TRIM44: variants seen among roughly 807,000 people sequenced by gnomAD.
The protein encoded by TRIM44 is tripartite motif containing 44.
Under a neutral mutation model 37.4 loss-of-function variants are expected in TRIM44, and 13 were observed. The ratio of observed to expected loss-of-function variants is 0.35; its 90% CI spans 0.23 to 0.55. The LOEUF (loss-of-function observed/expected upper bound fraction) is 0.55, where lower values mean the gene tolerates loss of function less well. TRIM44 is among the 20% of genes least tolerant of loss of function. TRIM44 has a pLI of 0.89. For synonymous variants in TRIM44, 175 were observed against 157.2 expected, an observed-to-expected ratio of 1.11 and a Z score of -0.85; for missense variants, 426 against 437.2, an observed-to-expected ratio of 0.97 and a Z score of 0.23.
rs1168699539 is a variant in TRIM44, at chr11:35,663,433, G to A, written c.322G>A (p.Glu108Lys). 6.4e-7 allele frequency: 1 copy of A among 1,570,834 alleles called. No homozygotes were observed. Among genetic ancestry groups the A allele is most frequent in the South Asian group, 1.2e-5 (1 of 86,866 alleles). Residue 108 changes from glutamate to lysine, a missense_variant, in exon 1 of 5, where the codon GAG (glutamate) becomes AAG (lysine). Physicochemically the swap from Glu to Lys is moderately conservative, Grantham distance 56. This residue lies in a region of TRIM44 where 331 missense variants were observed against 303.0 expected (regional missense o/e 1.09). Transcript: ENST00000299413. ...ESESEEESES[E>K]EESETEEESE... ...TGAGTCGGAGGAAGAGAGCGAGTCAGAGGAAGAGAGCGAGACAGAGGAAGA... is the reference window on the plus strand; with the variant it reads ...TGAGTCGGAGGAAGAGAGCGAGTCAAAGGAAGAGAGCGAGACAGAGGAAGA...
At chr11:35,786,815 C>T (rs949890446) in intron 4 of TRIM44, among the ~76,000 whole-genome samples, 6 of 152,202 alleles carry the variant, frequency 3.9e-5, no homozygotes, top group African/African-American at 1.4e-4. Flanking sequence ...AGTGTTTTGG[C>T]TGCAGCAGGA....
chr11:35,774,929 T>G (rs543871533), intron 4 of TRIM44, among the ~76,000 whole-genome samples: 1 of 152,210 alleles, frequency 6.6e-6, no homozygotes, highest in African/African-American at 2.4e-5. Context: ...TCTTTTGGCT[T>G]AGGATTGTCT....
intron 4 of TRIM44, among the ~76,000 whole-genome samples, chr11:35,791,142 A>C (rs2133877487): frequency 6.6e-6 from 1 of 152,186 alleles, no homozygotes; most frequent in East Asian, 1.9e-4. Context: ...GCTTGGGAGC[A>C]AGTGTCCATT....
intron 4 of TRIM44, among the ~76,000 whole-genome samples, chr11:35,767,378 C>A (rs1169689840): frequency 1.3e-5 from 2 of 152,100 alleles, no homozygotes; most frequent in African/African-American, 2.4e-5. Flanking sequence ...CATACAAGAT[C>A]ACCTTACCTG....
At chr11:35,756,492 T>A (rs1482452272) in intron 4 of TRIM44, among the ~76,000 whole-genome samples, 1 of 152,202 alleles carries the variant, frequency 6.6e-6, no homozygotes, top group Non-Finnish European at 1.5e-5. Context: ...TTAAATGCCC[T>A]TTATTTACTT....
At chr11:35,800,323 C>A (rs1040939982) in intron 4 of TRIM44, among the ~76,000 whole-genome samples, 1 of 152,184 alleles carries the variant, frequency 6.6e-6, no homozygotes, top group African/African-American at 2.4e-5. Flanking sequence ...AGCTTCCATG[C>A]TGTGGAAGGG....
chr11:35,768,547 G>A (rs1050263243), intron 4 of TRIM44, among the ~76,000 whole-genome samples: 1 of 152,220 alleles, frequency 6.6e-6, no homozygotes, highest in African/African-American at 2.4e-5. Context: ...AAGGATTCAA[G>A]GGGATCCCTG....
intron 4 of TRIM44, among the ~76,000 whole-genome samples, chr11:35,799,583 C>T (rs559359650): frequency 2.0e-5 from 3 of 152,330 alleles, no homozygotes; most frequent in Non-Finnish European, 4.4e-5. Context: ...AAGACAGGCT[C>T]ATCTCTTACC....
At chr11:35,778,461 A>G (rs1853004729) in intron 4 of TRIM44, among the ~76,000 whole-genome samples, 1 of 152,124 alleles carries the variant, frequency 6.6e-6, no homozygotes, top group Non-Finnish European at 1.5e-5. Flanking sequence ...TCTTCTCTCA[A>G]GTCGTCAAAG....
chr11:35,787,409 A>G (rs977161364), intron 4 of TRIM44, among the ~76,000 whole-genome samples: 2 of 152,206 alleles, frequency 1.3e-5, no homozygotes, highest in Admixed American at 6.5e-5. Flanking sequence ...CACAAGGCGA[A>G]TGGAATGCCC....
chr11:35,700,938 T>A (rs754853896), intron 2 of TRIM44, among the ~76,000 whole-genome samples: 4 of 152,224 alleles, frequency 2.6e-5, no homozygotes, highest in African/African-American at 4.8e-5. Flanking sequence ...AGCTGTTTTA[T>A]ATAAACATTA....
intron 2 of TRIM44, among the ~76,000 whole-genome samples, chr11:35,717,002 A>G (rs117943956): frequency 2.0e-3 from 298 of 152,316 alleles, no homozygotes; most frequent in Non-Finnish European, 3.7e-3. Context: ...GCACTGAAAA[A>G]AGGTAGCAGT....
At chr11:35,764,284 G>T (rs537585468) in intron 4 of TRIM44, among the ~76,000 whole-genome samples, 1 of 152,292 alleles carries the variant, frequency 6.6e-6, no homozygotes, top group Admixed American at 6.5e-5. Flanking sequence ...TTCAGGCAGG[G>T]TGGGCCTTCC....
At chr11:35,665,405 T>A (rs985564847) in intron 1 of TRIM44, among the ~76,000 whole-genome samples, 1 of 152,096 alleles carries the variant, frequency 6.6e-6, no homozygotes, top group Non-Finnish European at 1.5e-5. Context: ...TTACTGTATT[T>A]TTCATTTTTG....
intron 4 of TRIM44, among the ~76,000 whole-genome samples, chr11:35,797,990 A>G (rs1042122393): frequency 1.3e-5 from 2 of 152,226 alleles, no homozygotes; most frequent in African/African-American, 4.8e-5. Flanking sequence ...CAGCCTCAGA[A>G]GGTCCTGATG....
At chr11:35,761,117 G>A (rs1391686143) in intron 4 of TRIM44, among the ~76,000 whole-genome samples, 1 of 152,098 alleles carries the variant, frequency 6.6e-6, no homozygotes, top group Non-Finnish European at 1.5e-5. Flanking sequence ...GTTGCAAATG[G>A]CAGGATTTCC....
intron 4 of TRIM44, among the ~76,000 whole-genome samples, chr11:35,802,966 G>A (rs955514937): frequency 5.3e-5 from 8 of 152,286 alleles, no homozygotes; most frequent in Admixed American, 3.3e-4. Context: ...AAAGGCAGGA[G>A]GAGGCAGGTT....
chr11:35,791,171 T>C (rs1057096327), intron 4 of TRIM44, among the ~76,000 whole-genome samples: 2 of 152,118 alleles, frequency 1.3e-5, no homozygotes, highest in African/African-American at 4.8e-5. Flanking sequence ...ACCCCCAGCA[T>C]CATGACATTG....
chr11:35,735,097 A>C (rs1291804642), intron 3 of TRIM44, among the ~76,000 whole-genome samples: 3 of 152,190 alleles, frequency 2.0e-5, no homozygotes. Flanking sequence ...ACGTGCCTCT[A>C]TTTTGGGTTT....
Sources: allele counts gnomAD v4.1 joint callset (sites outside exome capture counted in the v4.1 genomes callset), GRCh38; gene constraint gnomAD v4.1.1; regional missense constraint gnomAD v4.1.1; transcripts MANE v1.5; gene names NCBI Gene and HGNC (gene_info 2026-07-23, HGNC 2026-07-21).